Variants in PHF24 observed in about 807,000 individuals in gnomAD.
PHF24 encodes the protein Galpha inhibitory interacting protein.
Under a neutral mutation model 42.6 loss-of-function variants are expected in PHF24, and 25 were observed. The ratio of observed to expected loss-of-function variants is 0.59; its 90% CI spans 0.43 to 0.82. The LOEUF (loss-of-function observed/expected upper bound fraction) is 0.82. Among genes scored for constraint, PHF24 ranks in the 40% least tolerant of loss-of-function variants. The pLI, the probability that PHF24 is intolerant of heterozygous loss-of-function variation, is 0.00. For synonymous variants in PHF24, 185 were observed against 204.8 expected (o/e 0.90, Z 0.83); for missense variants, 470 against 538.1 (o/e 0.87, Z 1.25).
At chr9:34,702,206 T>A in the PHF24 span, among the ~76,000 whole-genome samples, 1 of 152,066 alleles carries the variant, frequency 6.6e-6, no homozygotes, top group Non-Finnish European at 1.5e-5. Context: ...TGAAAATAAT[T>A]GAAAACAAAT....
the PHF24 span, among the ~76,000 whole-genome samples, chr9:34,805,552 G>C: frequency 6.6e-6 from 1 of 152,060 alleles, no homozygotes; most frequent in Non-Finnish European, 1.5e-5. Context: ...TTAAAATCTA[G>C]TTATTTATCT....
At chr9:34,877,332 C>G in the PHF24 span, among the ~76,000 whole-genome samples, 1 of 149,918 alleles carries the variant, frequency 6.7e-6, no homozygotes, top group Non-Finnish European at 1.5e-5. Flanking sequence ...CATGGATAAA[C>G]CTTGAAAACA....
chr9:34,730,598 A>G, the PHF24 span, among the ~76,000 whole-genome samples: 1 of 152,240 alleles, frequency 6.6e-6, no homozygotes, highest in Non-Finnish European at 1.5e-5. Context: ...TTAAAAATGT[A>G]GTTTCAAAGA....
the PHF24 span, among the ~76,000 whole-genome samples, chr9:34,885,688 C>T: frequency 6.6e-6 from 1 of 152,108 alleles, no homozygotes; most frequent in South Asian, 2.1e-4. Flanking sequence ...GCCACCCCTG[C>T]CCTGTTTCTC....
At chr9:34,766,223 A>G in the PHF24 span, among the ~76,000 whole-genome samples, 31 of 152,238 alleles carry the variant, frequency 2.0e-4, no homozygotes, top group African/African-American at 7.0e-4. Flanking sequence ...TGTTCTCTGT[A>G]TTTCCTGAAT....
the PHF24 span, among the ~76,000 whole-genome samples, chr9:34,846,740 A>G: frequency 6.6e-6 from 1 of 152,186 alleles, no homozygotes. Context: ...TAGGTCTAAC[A>G]TGTAAATCTT....
the PHF24 span, among the ~76,000 whole-genome samples, chr9:34,893,601 C>CA: frequency 0.025 from 3,197 of 128,536 alleles, 87 homozygotes; most frequent in African/African-American, 0.078. Flanking sequence ...AACTCTGTCT[C>CA]AAAAAAAAAA....
chr9:34,755,545 C>T, the PHF24 span, among the ~76,000 whole-genome samples: 1 of 151,900 alleles, frequency 6.6e-6, no homozygotes, highest in African/African-American at 2.4e-5. Context: ...AATGTCTGTT[C>T]AGATCATTTG....
the PHF24 span, among the ~76,000 whole-genome samples, chr9:34,772,364 C>T: frequency 6.6e-6 from 1 of 151,986 alleles, no homozygotes; most frequent in Non-Finnish European, 1.5e-5. Context: ...AATTGATTAC[C>T]TAGTATGTTC....
At chr9:34,701,225 G>T in the PHF24 span, among the ~76,000 whole-genome samples, 1 of 152,116 alleles carries the variant, frequency 6.6e-6, no homozygotes, top group Non-Finnish European at 1.5e-5. The surrounding 1 kb of genome is among the most constrained non-coding windows in gnomAD (Gnocchi z 5.8). Flanking sequence ...CTGAATGCGC[G>T]CGTACTAGCC....
chr9:34,836,216 G>T, the PHF24 span, among the ~76,000 whole-genome samples: 2 of 152,200 alleles, frequency 1.3e-5, no homozygotes, highest in African/African-American at 4.8e-5. Flanking sequence ...AATGGCATTT[G>T]GTAAGGTATG....
At chr9:34,812,723 A>G in the PHF24 span, among the ~76,000 whole-genome samples, 2 of 152,176 alleles carry the variant, frequency 1.3e-5, no homozygotes, top group African/African-American at 4.8e-5. Flanking sequence ...TGACGCTGTG[A>G]TCTCAAATAA....
the PHF24 span, among the ~76,000 whole-genome samples, chr9:34,887,591 T>C: frequency 6.6e-6 from 1 of 152,184 alleles, no homozygotes; most frequent in Non-Finnish European, 1.5e-5. Flanking sequence ...CTTCCTCGTT[T>C]ACCCACGTGG....
the PHF24 span, among the ~76,000 whole-genome samples, chr9:34,935,451 G>A: frequency 0.026 from 3,996 of 152,110 alleles, 80 homozygotes; most frequent in African/African-American, 0.046. Flanking sequence ...AAAATTAGCC[G>A]GGCATGGTAG....
chr9:34,727,221 G>A, the PHF24 span, among the ~76,000 whole-genome samples: 4 of 152,252 alleles, frequency 2.6e-5, no homozygotes, highest in Non-Finnish European at 5.9e-5. Flanking sequence ...CCATGGGAGG[G>A]CATGGCCCTC....
chr9:34,942,722 C>T, the PHF24 span, among the ~76,000 whole-genome samples: 2 of 151,920 alleles, frequency 1.3e-5, no homozygotes, highest in African/African-American at 4.8e-5. Context: ...AAGCTGGAAA[C>T]CATCATTCTG....
the PHF24 span, among the ~76,000 whole-genome samples, chr9:34,866,321 C>T: frequency 6.6e-6 from 1 of 152,180 alleles, no homozygotes; most frequent in Non-Finnish European, 1.5e-5. Context: ...GTGTGCCTGC[C>T]TTTCTGTGTG....
At chr9:34,686,344 A>G in the PHF24 span, among the ~76,000 whole-genome samples, 1 of 152,208 alleles carries the variant, frequency 6.6e-6, no homozygotes, top group Non-Finnish European at 1.5e-5. Flanking sequence ...AACCGTATGA[A>G]GCTGGCTCTG....
the PHF24 span, among the ~76,000 whole-genome samples, chr9:34,855,130 A>G: frequency 1.3e-5 from 2 of 152,016 alleles, no homozygotes; most frequent in Admixed American, 6.5e-5. Context: ...TGCTTGGTAA[A>G]ATTTCCCCCA....
Sources: gnomAD v4.1 joint callset for allele counts (sites outside exome capture counted in the v4.1 genomes callset) on GRCh38, gnomAD v4.1.1 for gene constraint, Gnocchi (gnomAD v3.1) non-coding constraint, MANE v1.5 for transcripts, NCBI Gene and HGNC (gene_info 2026-07-23, HGNC 2026-07-21) for gene names.